Variants in FAM91A1 observed in about 807,000 individuals in gnomAD.
The protein encoded by FAM91A1 is protein FAM91A1.
A neutral mutation model predicts 113.5 loss-of-function variants in FAM91A1; 41 were observed. That is an observed-to-expected ratio of 0.36 (90% CI 0.28 to 0.47). FAM91A1 has a LOEUF of 0.47. Among genes scored for constraint, FAM91A1 ranks in the 20% least tolerant of loss-of-function variants. The pLI is 1.00. For missense variants in FAM91A1, 696 were observed against 1,001.2 expected (o/e 0.70, Z 4.11); for synonymous variants, 307 against 347.9 (o/e 0.88, Z 1.31).
intron 12 of FAM91A1, among the ~76,000 whole-genome samples, 196 bp downstream of exon 12, chr8:123,786,806 A>C (rs1304147591): frequency 6.6e-6 from 1 of 152,226 alleles, no homozygotes; most frequent in Non-Finnish European, 1.5e-5. Context: ...CTTTCTTCTA[A>C]GAATTAAGTC....
At chr8:123,768,852 CCCGAGCGGGCTGCTGCCGGCTGACT>C in intron 1 of FAM91A1, 78 bp downstream of exon 1, 1 of 1,435,954 alleles carries the variant, frequency 7.0e-7, no homozygotes, top group Non-Finnish European at 9.6e-7. Context: ...GCTCGCGGGG[CCCGAGCGGGCTGCTGCCGGCTGACT>C]CCCTTCCTTT....
intron 8 of FAM91A1, 44 bp downstream of exon 8, chr8:123,780,586 C>G (rs1195891237): frequency 6.6e-7 from 1 of 1,508,092 alleles, no homozygotes; most frequent in Admixed American, 1.8e-5. Flanking sequence ...GAATGGATAT[C>G]AGGTGCTAAG....
chr8:123,784,733 TA>T (rs1815211186), intron 9 of FAM91A1, 157 bp downstream of exon 9: 1 of 460,784 alleles, frequency 2.2e-6, no homozygotes, highest in Admixed American at 4.2e-5. Flanking sequence ...AACGTTCTTA[TA>T]AATGTATATT....
At chr8:123,784,748 A>G (rs1477733213) in intron 9 of FAM91A1, 172 bp downstream of exon 9, 1 of 443,362 alleles carries the variant, frequency 2.3e-6, no homozygotes, top group Non-Finnish European at 3.8e-6. Context: ...GTATATTAAA[A>G]TTTAAGTTAA....
chr8:123,813,909 A>C lies in FAM91A1; in HGVS notation c.*1205A>C. 1 of 210,388 alleles carries C rather than the reference A, an allele frequency of 4.8e-6. No homozygotes were observed. Among genetic ancestry groups the C allele is most frequent in the South Asian group, 6.3e-5 (1 of 15,782 alleles). The allele number at this position is 210,388 out of a possible 1,614,324, so 13.0% of individuals were successfully genotyped here. ...ACTGGTCAGACAACATATATCTAAAACACTTAAAATGTTAGGAAGTTTGGG... is the reference window on the plus strand; with the variant it reads ...ACTGGTCAGACAACATATATCTAAACCACTTAAAATGTTAGGAAGTTTGGG... On this transcript the variant is annotated 3_prime_UTR_variant, in exon 24 of 24. Transcript: ENST00000334705.
At chr8:123,794,396 C>A (rs762347489) in intron 15 of FAM91A1, among the ~76,000 whole-genome samples, 8 of 152,124 alleles carry the variant, frequency 5.3e-5, no homozygotes, top group Admixed American at 1.3e-4. Context: ...TCAAACATAT[C>A]AAAACTTAAT....
chr8:123,785,940 C>T (rs1815244353), intron 11 of FAM91A1, 199 bp downstream of exon 11: 4 of 472,370 alleles, frequency 8.5e-6, no homozygotes, highest in Middle Eastern at 6.0e-4. Flanking sequence ...GCCTCAGCCT[C>T]CTGAGTAGTG....
At chr8:123,779,349 T>A (rs940088011) in intron 6 of FAM91A1, among the ~76,000 whole-genome samples, 2 of 152,138 alleles carry the variant, frequency 1.3e-5, no homozygotes, top group Non-Finnish European at 2.9e-5. Flanking sequence ...GGGGCGATAG[T>A]GTCAAGATCA....
chr8:123,809,980 GA>G (rs368634013), intron 22 of FAM91A1, among the ~76,000 whole-genome samples: 1 of 152,096 alleles, frequency 6.6e-6, no homozygotes, highest in African/African-American at 2.4e-5. Context: ...ATCTTCATTT[GA>G]AAAGTTTTCT....
chr8:123,796,034 C>G (rs1815511123), intron 15 of FAM91A1, among the ~76,000 whole-genome samples: 1 of 152,164 alleles, frequency 6.6e-6, no homozygotes, highest in Non-Finnish European at 1.5e-5. Context: ...TAAGGGACTG[C>G]CTTTTAAAGT....
chr8:123,808,164 C>A, intron 20 of FAM91A1, 108 bp from the exon 21 acceptor site: 1 of 849,186 alleles, frequency 1.2e-6, no homozygotes, highest in Non-Finnish European at 1.8e-6. Context: ...CATTTTCTTT[C>A]TGTCATCATT....
chr8:123,802,552 G>A (rs959885460), intron 18 of FAM91A1, among the ~76,000 whole-genome samples: 3 of 152,154 alleles, frequency 2.0e-5, no homozygotes, highest in Non-Finnish European at 4.4e-5. Flanking sequence ...GGCAGATGAT[G>A]TGTTGTGTTT....
At chr8:123,799,066 C>A (rs961534521) in intron 16 of FAM91A1, among the ~76,000 whole-genome samples, 1 of 152,098 alleles carries the variant, frequency 6.6e-6, no homozygotes, top group Non-Finnish European at 1.5e-5. Flanking sequence ...GAAGGGTGGG[C>A]GATTCCTCTT....
Position 123,785,680 on chromosome 8 carries a change from G to A in FAM91A1, c.901G>A (p.Val301Ile). 6.2e-7 allele frequency: 1 copy of A among 1,609,292 alleles called. No homozygotes were observed. Among genetic ancestry groups the A allele is most frequent in the Non-Finnish European group, 8.5e-7 (1 of 1,178,726 alleles). The change falls in exon 11 of 24, where the codon GTA (valine) becomes ATA (isoleucine). Residue 301 changes from valine (V) to isoleucine (I), a missense_variant. By Grantham distance (29) the Val-to-Ile change is conservative (BLOSUM62 3). Transcript: ENST00000334705. ...GGGCTTTGCCCATAAGAAGGGACAA[G>A]TAATTAATTTGGATCAACTTCATTC... ...RLGFAHKKGQ[V>I]INLDQLHSSW...
chr8:123,784,622 G>A (rs776885717), intron 9 of FAM91A1, 46 bp downstream of exon 9: 2 of 1,420,098 alleles, frequency 1.4e-6, no homozygotes, highest in South Asian at 1.3e-5. Context: ...AAGATTGTAA[G>A]TTTGTGTAAA....
chr8:123,774,651 T>C (rs1289414476), intron 2 of FAM91A1, among the ~76,000 whole-genome samples: 2 of 152,158 alleles, frequency 1.3e-5, no homozygotes, highest in Admixed American at 6.5e-5. Flanking sequence ...GTTGCCCTGG[T>C]AGTCTTTCAC....
chr8:123,782,293 C>G (rs146118743), intron 8 of FAM91A1, among the ~76,000 whole-genome samples: 4 of 152,304 alleles, frequency 2.6e-5, no homozygotes, highest in African/African-American at 9.6e-5. Flanking sequence ...CATGTTACCT[C>G]TTTGGCTGTT....
At position 123,768,741 on chromosome 8, in the gene FAM91A1, C is replaced by T. The variant is rs1218341708; in HGVS notation, c.39C>T (p.Tyr13=). The T allele has an allele frequency of 9.3e-6, 15 of 1,611,962 alleles. No individual in the cohort carries two copies. The highest frequency in any genetic ancestry group is 1.2e-5 in the Non-Finnish European group (14 of 1,179,020). ...TGGAGTTCCACATCCGGCACAACTA[C>T]CCCTGGAACAAGTTGCCGGCCAACG... ...IDVEFHIRHN[Y]PWNKLPANVR... is the part of the protein sequence containing the mutation. Residue 13 remains tyrosine (Y), a synonymous_variant, in exon 1 of 24, where the codon TAC becomes TAT. Coordinates refer to ENST00000334705, the MANE Select transcript of FAM91A1 (RefSeq NM_144963.4).
intron 15 of FAM91A1, among the ~76,000 whole-genome samples, chr8:123,796,857 A>T (rs1457609937): frequency 5.3e-5 from 8 of 150,318 alleles, no homozygotes; most frequent in Admixed American, 1.3e-4. Context: ...AGGTCAGGAG[A>T]TCGAGACCAT....
Sources: allele counts gnomAD v4.1 joint callset (sites outside exome capture counted in the v4.1 genomes callset), GRCh38; gene constraint gnomAD v4.1.1; transcripts MANE v1.5; gene names NCBI Gene and HGNC (gene_info 2026-07-23, HGNC 2026-07-21).